ARID4B: variants seen among roughly 807,000 people sequenced by gnomAD.
The protein encoded by ARID4B is AT-rich interaction domain 4B, also known as AT-rich interactive domain-containing protein 4B.
A neutral mutation model predicts 147.5 loss-of-function variants in ARID4B; 26 were observed. The ratio of observed to expected loss-of-function variants is 0.18; its 90% CI spans 0.13 to 0.24. The LOEUF (loss-of-function observed/expected upper bound fraction) is 0.24, where lower values mean the gene tolerates loss of function less well. Ranked by LOEUF, ARID4B falls within the 10% of genes least tolerant of loss-of-function variation. ARID4B has a pLI of 1.00. For missense variants in ARID4B, 1,179 were observed against 1,511.5 expected, an observed-to-expected ratio of 0.78 and a Z score of 3.65; for synonymous variants, 512 against 507.9, an observed-to-expected ratio of 1.01 and a Z score of -0.11.
intron 2 of ARID4B, among the ~76,000 whole-genome samples, chr1:235,275,499 G>A (rs1343630743): frequency 1.3e-5 from 2 of 152,208 alleles, no homozygotes; most frequent in Admixed American, 1.3e-4. Flanking sequence ...CTGAGTGACT[G>A]AGAGAATAGC....
chr1:235,239,114 C>A (rs1003807231), intron 8 of ARID4B, among the ~76,000 whole-genome samples: 1 of 151,916 alleles, frequency 6.6e-6, no homozygotes, highest in Admixed American at 6.6e-5. Context: ...GGATTACAGG[C>A]ATGTGCCACC....
intron 5 of ARID4B, 148 bp downstream of exon 5, chr1:235,255,511 AT>A (rs1241582914): frequency 2.3e-5 from 12 of 518,912 alleles, no homozygotes; most frequent in African/African-American, 2.0e-4. Context: ...TTGGAAATAA[AT>A]TTTTAAAAGA....
chr1:235,280,774 G>C (rs1375332958), intron 2 of ARID4B, among the ~76,000 whole-genome samples: 1 of 152,240 alleles, frequency 6.6e-6, no homozygotes, highest in Non-Finnish European at 1.5e-5. Flanking sequence ...TTCCAGTCCT[G>C]CTGGCGGGAA....
At chr1:235,191,055 C>T (rs886636351) in intron 19 of ARID4B, among the ~76,000 whole-genome samples, 1 of 152,114 alleles carries the variant, frequency 6.6e-6, no homozygotes. Flanking sequence ...TCCAGCTCTC[C>T]CTTCCATGTC....
intron 21 of ARID4B, chr1:235,177,585 C>T (rs1663977305): frequency 2.4e-6 from 1 of 416,510 alleles, no homozygotes. Flanking sequence ...ATCAACTCAT[C>T]ATTTACATTA....
chr1:235,226,401 C>T (rs1032933552), intron 11 of ARID4B, among the ~76,000 whole-genome samples: 9 of 152,256 alleles, frequency 5.9e-5, no homozygotes, highest in African/African-American at 1.7e-4. Flanking sequence ...TGCTCTGTCG[C>T]CCAGGCTGGA....
intron 11 of ARID4B, among the ~76,000 whole-genome samples, chr1:235,225,540 A>C (rs1174780448): frequency 6.6e-6 from 1 of 152,206 alleles, no homozygotes; most frequent in Non-Finnish European, 1.5e-5. Context: ...GAGCACCTGT[A>C]AGTGTAGGTA....
In ARID4B at chr1:235,286,726, A is replaced by G. The variant is rs201662884; in HGVS notation, c.7-25974T>C. On this transcript the variant is annotated intron_variant, in intron 2 of 23. Coordinates refer to ENST00000264183, the MANE Select transcript of ARID4B (RefSeq NM_016374.6). ...AAGGCCTGATAGCAACAGGAGAAGA[A>G]CTACTACAAAGTTTTATGAGCAAGA... Among the ~76,000 whole-genome samples, 3 of 152,340 alleles carry G rather than the reference A, an allele frequency of 2.0e-5. No individual in the cohort carries two copies. The East Asian group carries it at 5.8e-4, about 29-fold the overall frequency.
intron 2 of ARID4B, among the ~76,000 whole-genome samples, chr1:235,296,836 A>AGGAC: frequency 2.0e-3 from 1 of 506 alleles, no homozygotes; most frequent in African/African-American, 8.5e-3. Flanking sequence ...GAAGGAAGGA[A>AGGAC]GGGAGGAAGG....
intron 19 of ARID4B, among the ~76,000 whole-genome samples, chr1:235,193,689 C>A (rs1049995202): frequency 1.3e-5 from 2 of 152,156 alleles, no homozygotes. Flanking sequence ...CATCCCAAAT[C>A]CAAAATCTGA....
intron 6 of ARID4B, among the ~76,000 whole-genome samples, chr1:235,251,273 C>T (rs1254066541): frequency 6.7e-6 from 1 of 149,224 alleles, no homozygotes; most frequent in Non-Finnish European, 1.5e-5. Flanking sequence ...GCAAAACGAC[C>T]AATTTGGGTA....
At chr1:235,327,023 G>T in intron 1 of ARID4B, 55 bp from the exon 2 acceptor site, 1 of 1,217,114 alleles carries the variant, frequency 8.2e-7, no homozygotes, top group Non-Finnish European at 1.2e-6. Context: ...CTCTGCACTG[G>T]CGGAGGCGGA....
At chr1:235,259,530 C>T (rs1572097356) in intron 3 of ARID4B, among the ~76,000 whole-genome samples, 1 of 152,332 alleles carries the variant, frequency 6.6e-6, no homozygotes, top group East Asian at 1.9e-4. Context: ...TTCTCTTCCT[C>T]TACAGGATAG....
In ARID4B at chr1:235,213,755, A is replaced by G; in HGVS notation, c.1841+14T>C. On this transcript the variant is annotated intron_variant, in intron 17 of 23. Coordinates refer to ENST00000264183, the MANE Select transcript of ARID4B (RefSeq NM_016374.6). ...TGTTTTTAGGTAATAATCACTAGCT[A>G]AAACTCAAGTTACCTCACATTCCAT... The G allele has an allele frequency of 1.2e-6, 2 of 1,602,746 alleles. No homozygotes were observed. The highest frequency in any genetic ancestry group is 1.7e-6 in the Non-Finnish European group (2 of 1,173,308).
In ARID4B at chr1:235,168,389, C is replaced by CA. The variant is rs907709267; in HGVS notation, c.*135dup. 1.9e-5 allele frequency: 20 copies of CA among 1,036,904 alleles called. No homozygotes were observed. Among genetic ancestry groups the CA allele is most frequent in the Non-Finnish European group, 2.6e-5 (20 of 765,210 alleles). 64.2% of individuals were successfully genotyped at this position (1,036,904 alleles called of 1,614,324 possible). A position where few individuals can be genotyped will look rare whatever the true frequency, so the allele number is the denominator to read the frequency against. The stretch of plus-strand genomic sequence containing the variant: ...TTCATAAAAAAGTGCACTTAAGTGC[C>CA]AAGTCAGCTTGTCAAGAAACAATTT... On this transcript the variant is annotated 3_prime_UTR_variant, in exon 24 of 24. Coordinates refer to ENST00000264183, the MANE Select transcript of ARID4B (RefSeq NM_016374.6).
chr1:235,232,755 ATT>A (rs1334048425), intron 9 of ARID4B, among the ~76,000 whole-genome samples: 2 of 152,084 alleles, frequency 1.3e-5, no homozygotes, highest in African/African-American at 4.8e-5. Context: ...ACAATTTAAT[ATT>A]AAGTCAATAT....
At chr1:235,255,267 A>AGATAGATCTATC (rs1553304359) in intron 5 of ARID4B, among the ~76,000 whole-genome samples, 1 of 137,154 alleles carries the variant, frequency 7.3e-6, no homozygotes. Flanking sequence ...AGATAGATAT[A>AGATAGATCTATC]TATCTCTCTC....
intron 23 of ARID4B, among the ~76,000 whole-genome samples, chr1:235,169,646 C>T (rs1476775269): frequency 6.6e-6 from 1 of 151,970 alleles, no homozygotes; most frequent in Non-Finnish European, 1.5e-5. Context: ...CGCCATTCTC[C>T]TGCCTCAGCC....
At chr1:235,296,835 A>AAGAGAAAG (rs1672763998) in intron 2 of ARID4B, among the ~76,000 whole-genome samples, 1 of 19,632 alleles carries the variant, frequency 5.1e-5, no homozygotes, top group African/African-American at 1.1e-4. Context: ...GGAAGGAAGG[A>AAGAGAAAG]AGGGAGGAAG....
Sources: gnomAD v4.1 joint callset for allele counts (sites outside exome capture counted in the v4.1 genomes callset) on GRCh38, gnomAD v4.1.1 for gene constraint, MANE v1.5 for transcripts, NCBI Gene and HGNC (gene_info 2026-07-23, HGNC 2026-07-21) for gene names.